The following SCRG1 variants were observed in gnomAD, a reference collection of about 807,000 sequenced individuals.
SCRG1 encodes stimulator of chondrogenesis 1, also known as scrapie-responsive protein 1.
In SCRG1, 3 loss-of-function variants were observed where a neutral mutation model predicts 7.7. The observed-to-expected ratio is 0.39, with a 90% confidence interval of 0.18 to 1.01. The LOEUF (loss-of-function observed/expected upper bound fraction) is 1.01. SCRG1 is among the 50% of genes least tolerant of loss of function. The probability of loss-of-function intolerance (pLI) is 0.36; values close to 1 mark genes in which losing one functional copy is unlikely to be tolerated. For synonymous variants in SCRG1, 46 were observed against 41.2 expected, an observed-to-expected ratio of 1.12 and a Z score of -0.44; for missense variants, 110 against 117.2, an observed-to-expected ratio of 0.94 and a Z score of 0.28.
the SCRG1 span, among the ~76,000 whole-genome samples, chr4:173,430,249 A>C: frequency 6.6e-6 from 1 of 152,192 alleles, no homozygotes; most frequent in Admixed American, 6.5e-5. Flanking sequence ...AATCCTGAGG[A>C]TATTAGAAAA....
the SCRG1 span, among the ~76,000 whole-genome samples, chr4:173,490,672 C>T: frequency 3.3e-5 from 5 of 152,146 alleles, no homozygotes; most frequent in Non-Finnish European, 2.9e-5. Flanking sequence ...ACTGTTTCCC[C>T]CTAGGCTTTA....
the SCRG1 span, among the ~76,000 whole-genome samples, chr4:173,418,987 G>A: frequency 6.6e-6 from 1 of 152,084 alleles, no homozygotes; most frequent in Non-Finnish European, 1.5e-5. Flanking sequence ...CCAGTCCTAG[G>A]TAGTTCCTTG....
the SCRG1 span, among the ~76,000 whole-genome samples, chr4:173,486,355 G>A: frequency 6.6e-6 from 1 of 152,156 alleles, no homozygotes; most frequent in Non-Finnish European, 1.5e-5. Flanking sequence ...GAGTCTGAGA[G>A]TGTTCCATTT....
At chr4:173,474,920 G>C in the SCRG1 span, among the ~76,000 whole-genome samples, 33 of 133,410 alleles carry the variant, frequency 2.5e-4, no homozygotes, top group African/African-American at 9.8e-4. Context: ...TTAATATTTT[G>C]AAATCTCTCT....
At chr4:173,414,476 G>A in the SCRG1 span, among the ~76,000 whole-genome samples, 8 of 152,196 alleles carry the variant, frequency 5.3e-5, no homozygotes, top group South Asian at 8.3e-4. Flanking sequence ...CCCTGATGGG[G>A]TGAGTCTTGG....
chr4:173,433,159 T>A, the SCRG1 span, among the ~76,000 whole-genome samples: 4 of 152,178 alleles, frequency 2.6e-5, no homozygotes, highest in East Asian at 7.7e-4. Flanking sequence ...TTTAGTAACT[T>A]TTTTTTACAG....
the SCRG1 span, among the ~76,000 whole-genome samples, chr4:173,431,851 A>G: frequency 0.011 from 1,672 of 152,340 alleles, 27 homozygotes; most frequent in African/African-American, 0.029. Context: ...ATACATCACC[A>G]TGCAAGGAGG....
chr4:173,453,050 A>C, the SCRG1 span, among the ~76,000 whole-genome samples: 1 of 152,194 alleles, frequency 6.6e-6, no homozygotes, highest in African/African-American at 2.4e-5. Context: ...CCATAGCAAT[A>C]GTCACAGTAC....
At chr4:173,391,544 G>T in intron 1 of SCRG1, 116 bp from the exon 2 acceptor site, 1 of 983,888 alleles carries the variant, frequency 1.0e-6, no homozygotes, top group Non-Finnish European at 1.5e-6. Context: ...TGGGAGTTGG[G>T]CTTTTCTACA....
chr4:173,432,033 C>T, the SCRG1 span, among the ~76,000 whole-genome samples: 520 of 152,284 alleles, frequency 3.4e-3, 2 homozygotes, highest in African/African-American at 0.012. Context: ...TCTTCACGGA[C>T]AAAATCCAAC....
chr4:173,391,328 G>A lies in SCRG1; in HGVS notation c.87C>T (p.Tyr29=). The change falls in exon 2 of 3, where the codon TAC becomes TAT. Residue 29 remains tyrosine, a synonymous_variant. Coordinates refer to ENST00000296506, the MANE Select transcript of SCRG1 (RefSeq NM_007281.4). ...QAMPANRLSC[Y]RKILKDHNCH... is the part of the protein sequence containing the mutation. ...AGTTGTGATCTTTTAGTATCTTTCTGTAGCAAGAGAGGCGATTTGCAGGCA... is the reference window on the plus strand; with the variant it reads ...AGTTGTGATCTTTTAGTATCTTTCTATAGCAAGAGAGGCGATTTGCAGGCA... 4.3e-6 allele frequency: 7 copies of A among 1,614,188 alleles called. No individual in the cohort carries two copies. Among genetic ancestry groups the A allele is most frequent in the Non-Finnish European group, 5.9e-6 (7 of 1,180,026 alleles).
the SCRG1 span, among the ~76,000 whole-genome samples, chr4:173,473,692 G>C: frequency 6.6e-6 from 1 of 152,200 alleles, no homozygotes; most frequent in Non-Finnish European, 1.5e-5. Context: ...ATCTGGCTAG[G>C]GCAGTGGGGT....
the SCRG1 span, among the ~76,000 whole-genome samples, chr4:173,474,725 C>T: frequency 2.0e-5 from 3 of 152,308 alleles, no homozygotes; most frequent in Non-Finnish European, 4.4e-5. Flanking sequence ...AGGAAAGACA[C>T]AAGAGTTGTA....
the SCRG1 span, among the ~76,000 whole-genome samples, chr4:173,449,270 A>G: frequency 6.6e-6 from 1 of 152,162 alleles, no homozygotes; most frequent in Admixed American, 6.5e-5. Context: ...ACAGTAGTGA[A>G]CAATGTTATC....
At chr4:173,500,845 C>A in the SCRG1 span, among the ~76,000 whole-genome samples, 24 of 151,550 alleles carry the variant, frequency 1.6e-4, no homozygotes, top group Admixed American at 5.9e-4. Context: ...TAGTCACTCT[C>A]CCCGATTGTT....
chr4:173,419,576 T>G, the SCRG1 span: 26 of 728,512 alleles, frequency 3.6e-5, no homozygotes, highest in Admixed American at 5.4e-5. Flanking sequence ...ATTAAATTCC[T>G]TGTTTTCAGA....
At chr4:173,430,547 A>T in the SCRG1 span, among the ~76,000 whole-genome samples, 6 of 152,152 alleles carry the variant, frequency 3.9e-5, no homozygotes, top group Non-Finnish European at 8.8e-5. Context: ...CCAGCACTTT[A>T]GGAGGCCCAG....
chr4:173,436,415 C>T, the SCRG1 span, among the ~76,000 whole-genome samples: 68 of 152,184 alleles, frequency 4.5e-4, no homozygotes, highest in African/African-American at 1.6e-3. Context: ...TCAGAGCAGC[C>T]TCTGCTTCTC....
chr4:173,443,693 T>C, the SCRG1 span, among the ~76,000 whole-genome samples: 1 of 152,146 alleles, frequency 6.6e-6, no homozygotes, highest in Admixed American at 6.5e-5. Flanking sequence ...GATCACTTTC[T>C]GTTCTGAATT....
Sources: allele counts gnomAD v4.1 joint callset (sites outside exome capture counted in the v4.1 genomes callset), GRCh38; gene constraint gnomAD v4.1.1; transcripts MANE v1.5; gene names NCBI Gene and HGNC (gene_info 2026-07-23, HGNC 2026-07-21).